TMPO: variants seen among roughly 807,000 people sequenced by gnomAD.
TMPO encodes the protein LEM domain containing 4.
TMPO carries 22 observed loss-of-function variants against 45.4 expected under a neutral mutation model. That is an observed-to-expected ratio of 0.48 (90% CI 0.35 to 0.69). TMPO has a LOEUF of 0.69. Among genes scored for constraint, TMPO ranks in the 30% least tolerant of loss-of-function variants. The pLI is 0.01. For missense variants in TMPO, 512 were observed against 548.8 expected, an observed-to-expected ratio of 0.93 and a Z score of 0.67; for synonymous variants, 241 against 204.1, an observed-to-expected ratio of 1.18 and a Z score of -1.54.
chr12:98,531,235 C>CTTT (rs1228236045), intron 2 of TMPO, among the ~76,000 whole-genome samples: 20,096 of 110,834 alleles, frequency 0.18, 2,618 homozygotes, highest in Non-Finnish European at 0.28. Flanking sequence ...CCACCACGTC[C>CTTT]TTTTTTTTTT....
chr12:98,543,988 T>C (rs1421200018), intron 4 of TMPO, among the ~76,000 whole-genome samples: 1 of 152,142 alleles, frequency 6.6e-6, no homozygotes, highest in Non-Finnish European at 1.5e-5. Context: ...TCCCATAATG[T>C]TTATAATTTG....
Position 98,515,669 on chromosome 12 carries a change from T to G in TMPO, c.-199T>G. ...TTCCAGCTTGGCCGCAGTTGGTTCGTAGTTCGGCTCTGGGGTCTTTTGTGT... is the reference window on the plus strand; with the variant it reads ...TTCCAGCTTGGCCGCAGTTGGTTCGGAGTTCGGCTCTGGGGTCTTTTGTGT... On this transcript the variant is annotated 5_prime_UTR_variant, in exon 1 of 9. Transcript: ENST00000556029. The G allele has an allele frequency of 8.7e-7, 1 of 1,154,382 alleles. No individual in the cohort carries two copies. The highest frequency in any genetic ancestry group is 1.2e-6 in the Non-Finnish European group (1 of 831,450). 71.5% of individuals were successfully genotyped at this position (1,154,382 alleles called of 1,614,324 possible).
intron 1 of TMPO, chr12:98,527,592 T>C: frequency 3.9e-6 from 1 of 255,320 alleles, no homozygotes; most frequent in Non-Finnish European, 7.5e-6. Context: ...TTTTAGTTGC[T>C]CTTTTGCATT....
intron 1 of TMPO, among the ~76,000 whole-genome samples, chr12:98,521,714 A>G (rs1221300059): frequency 1.3e-5 from 2 of 152,080 alleles, no homozygotes; most frequent in East Asian, 1.9e-4. Context: ...ATATTCTTGA[A>G]TGATCTGTTC....
chr12:98,537,097 A>G (rs1205376652), intron 3 of TMPO, among the ~76,000 whole-genome samples: 1 of 152,196 alleles, frequency 6.6e-6, no homozygotes, highest in Non-Finnish European at 1.5e-5. Context: ...TGTATGGACA[A>G]AACAATGGTA....
chr12:98,544,378 C>T, intron 5 of TMPO, 29 bp downstream of exon 5: 2 of 1,613,776 alleles, frequency 1.2e-6, no homozygotes, highest in East Asian at 2.2e-5. Flanking sequence ...CTTGGGTTTT[C>T]AGATTTGTAG....
In TMPO at chr12:98,515,864, C is replaced by G. The variant is rs1400998910; in HGVS notation, c.-4C>G. 4.3e-6 allele frequency: 7 copies of G among 1,611,996 alleles called. No homozygotes were observed. In the Admixed American group the frequency reaches 6.7e-5, roughly 15 times the overall value. Reference sequence around the variant, plus strand: ...GTGGGGAGGGGGCTTCGCAGATCCCCGAGATGCCGGAGTTCCTGGAAGACC... The same window carrying G: ...GTGGGGAGGGGGCTTCGCAGATCCCGGAGATGCCGGAGTTCCTGGAAGACC... On this transcript the variant is annotated 5_prime_UTR_variant, in exon 1 of 9. Transcript: ENST00000556029.
Position 98,515,830 on chromosome 12 carries a change from G to A in TMPO, c.-38G>A. The stretch of plus-strand genomic sequence containing the variant: ...AAGCGCGCCGGCGTGAGCGGCGGCG[G>A]CAAAGGCTGTGGGGAGGGGGCTTCG... On this transcript the variant is annotated 5_prime_UTR_variant, in exon 1 of 9. Coordinates refer to ENST00000556029, the MANE Select transcript of TMPO (RefSeq NM_001032283.3). 3.1e-6 allele frequency: 5 copies of A among 1,590,302 alleles called. No individual in the cohort carries two copies. Among genetic ancestry groups the A allele is most frequent in the Admixed American group, 1.8e-5 (1 of 56,426 alleles).
chr12:98,545,129 G>GTT (rs79128220), intron 7 of TMPO, 68 bp downstream of exon 7: 28,281 of 634,446 alleles, frequency 0.045, 43 homozygotes, highest in Non-Finnish European at 0.049. Flanking sequence ...ATATTTGTTT[G>GTT]TTTTTTTTTT....
intron 1 of TMPO, 148 bp downstream of exon 1, chr12:98,516,294 C>T (rs916514562): frequency 4.8e-6 from 6 of 1,238,940 alleles, no homozygotes; most frequent in African/African-American, 4.7e-5. Flanking sequence ...CGCCCCTTCC[C>T]CGCGGGGCTG....
intron 3 of TMPO, 42 bp downstream of exon 3, chr12:98,531,880 TCA>T (rs1235348114): frequency 3.8e-6 from 6 of 1,558,946 alleles, no homozygotes; most frequent in Non-Finnish European, 5.3e-6. Flanking sequence ...TGGAATTTTT[TCA>T]CACTCAAAAT....
chr12:98,533,036 A>G, intron 3 of TMPO: 2 of 1,613,612 alleles, frequency 1.2e-6, no homozygotes, highest in Non-Finnish European at 1.7e-6. Flanking sequence ...GTTGCCACAA[A>G]CTTGCCTGGC....
chr12:98,546,639 C>T (rs1020214478), intron 8 of TMPO, among the ~76,000 whole-genome samples, 192 bp downstream of exon 8: 4 of 152,102 alleles, frequency 2.6e-5, no homozygotes, highest in South Asian at 2.1e-4. Flanking sequence ...CCCAGGAGTT[C>T]GAGACCAGTC....
chr12:98,533,550 A>T, intron 3 of TMPO: 1 of 1,614,128 alleles, frequency 6.2e-7, no homozygotes, highest in Admixed American at 1.7e-5. Context: ...AAGTCCCTAG[A>T]CTGAGTGAGA....
intron 4 of TMPO, 131 bp from the exon 5 acceptor site, chr12:98,544,099 G>A (rs1010962995): frequency 2.0e-6 from 2 of 978,068 alleles, no homozygotes; most frequent in Non-Finnish European, 3.1e-6. Flanking sequence ...AATATTTTGA[G>A]GACATAGCCT....
At chr12:98,517,325 C>T (rs1372489068) in intron 1 of TMPO, among the ~76,000 whole-genome samples, 2 of 152,170 alleles carry the variant, frequency 1.3e-5, no homozygotes, top group Admixed American at 6.5e-5. Context: ...TGCTTTTTTA[C>T]CTGTGGATTT....
intron 1 of TMPO, among the ~76,000 whole-genome samples, chr12:98,521,624 A>G (rs769670584): frequency 6.6e-6 from 1 of 152,162 alleles, no homozygotes; most frequent in East Asian, 1.9e-4. Context: ...AAAAATAAAC[A>G]TTTACAGAGT....
At chr12:98,524,149 T>C (rs922884499) in intron 1 of TMPO, among the ~76,000 whole-genome samples, 2 of 152,256 alleles carry the variant, frequency 1.3e-5, no homozygotes, top group African/African-American at 2.4e-5. Context: ...AGGATGATAG[T>C]GCGTCTGCTT....
At chr12:98,547,178 C>T (rs189571368) in intron 8 of TMPO, among the ~76,000 whole-genome samples, 7 of 151,164 alleles carry the variant, frequency 4.6e-5, no homozygotes, top group African/African-American at 7.3e-5. Flanking sequence ...TGGGTTCAAG[C>T]GATTCTCCTG....
Sources: allele counts gnomAD v4.1 joint callset (sites outside exome capture counted in the v4.1 genomes callset), GRCh38; gene constraint gnomAD v4.1.1; transcripts MANE v1.5; gene names NCBI Gene and HGNC (gene_info 2026-07-23, HGNC 2026-07-21).